The following TBX21 variants were observed in gnomAD, a reference collection of about 807,000 sequenced individuals.
The protein encoded by TBX21 is T-box transcription factor 21.
TBX21 carries 11 observed loss-of-function variants against 52.2 expected under a neutral mutation model. That is an observed-to-expected ratio of 0.21 (90% CI 0.13 to 0.35). TBX21 has a LOEUF of 0.35. Ranked by LOEUF, TBX21 falls within the 10% of genes least tolerant of loss-of-function variation. TBX21 has a pLI of 1.00. For missense variants in TBX21, 625 were observed against 755.1 expected, an observed-to-expected ratio of 0.83 and a Z score of 2.02; for synonymous variants, 300 against 316.1, an observed-to-expected ratio of 0.95 and a Z score of 0.54.
intron 1 of TBX21, among the ~76,000 whole-genome samples, chr17:47,741,862 T>C (rs1055556627): frequency 2.5e-4 from 38 of 152,150 alleles, no homozygotes; most frequent in African/African-American, 8.7e-4. Flanking sequence ...TTTGTAGTGT[T>C]TGCTGATCCC....
rs984164580 is a variant in TBX21 at position 47,733,574 on chromosome 17, G to A, written c.120G>A (p.Pro40=). The change falls in exon 1 of 6, where the codon CCG becomes CCA. Residue 40 remains proline (P), a synonymous_variant. Coordinates refer to ENST00000177694, the MANE Select transcript of TBX21 (RefSeq NM_013351.2). This position sits in a 1 kb window ranked among gnomAD's most constrained non-coding sequence, Gnocchi z 6.6. ...AGCACCGCTACTTCTACCCGGAGCC[G>A]GGCGCGCAGGACGCGGACGAGCGTC... ...DPQHRYFYPE[P]GAQDADERRG... 2 of 1,470,352 alleles carry A rather than the reference G, an allele frequency of 1.4e-6. No homozygotes were observed. The highest frequency in any genetic ancestry group is 1.8e-6 in the Non-Finnish European group (2 of 1,118,588). 91.1% of individuals were successfully genotyped at this position (1,470,352 alleles called of 1,614,324 possible). A position where few individuals can be genotyped will look rare whatever the true frequency, so the allele number is the denominator to read the frequency against.
intron 1 of TBX21, among the ~76,000 whole-genome samples, chr17:47,736,266 A>G (rs1358819267): frequency 6.6e-6 from 1 of 152,128 alleles, no homozygotes; most frequent in African/African-American, 2.4e-5. Context: ...AGTTGTCAAT[A>G]TGGGTCCAAT....
At chr17:47,738,892 C>T (rs2032237567) in intron 1 of TBX21, among the ~76,000 whole-genome samples, 1 of 152,208 alleles carries the variant, frequency 6.6e-6, no homozygotes, top group Non-Finnish European at 1.5e-5. Context: ...TGAGCCACCA[C>T]GCCGGGCCAA....
At chr17:47,739,292 C>T (rs2032241644) in intron 1 of TBX21, among the ~76,000 whole-genome samples, 1 of 152,186 alleles carries the variant, frequency 6.6e-6, no homozygotes, top group African/African-American at 2.4e-5. Flanking sequence ...TTTCCCCAGC[C>T]TCTTCCTGTG....
intron 1 of TBX21, among the ~76,000 whole-genome samples, chr17:47,737,391 A>G (rs2032218642): frequency 6.6e-6 from 1 of 152,094 alleles, no homozygotes; most frequent in African/African-American, 2.4e-5. Flanking sequence ...AACTTTGGGT[A>G]GCTGTGTTGT....
intron 3 of TBX21, among the ~76,000 whole-genome samples, chr17:47,743,935 G>T (rs2032297522): frequency 6.6e-6 from 1 of 151,034 alleles, no homozygotes; most frequent in Non-Finnish European, 1.5e-5. Context: ...TTGCCCTAAA[G>T]CCCTGTTTGT....
In TBX21 at chr17:47,744,372, C is replaced by G; in HGVS notation, c.927+19C>G. On this transcript the variant is annotated intron_variant, in intron 4 of 5. Coordinates refer to ENST00000177694, the MANE Select transcript of TBX21 (RefSeq NM_013351.2). Reference sequence around the variant, plus strand: ...TGCCGAGGTGAGGGCTGCCTGAGCCCCGGTGGGGAGGAGGGCAGAGTGGGG... The same window carrying G: ...TGCCGAGGTGAGGGCTGCCTGAGCCGCGGTGGGGAGGAGGGCAGAGTGGGG... 6.2e-7 allele frequency: 1 copy of G among 1,614,166 alleles called. No individual in the cohort carries two copies. The highest frequency in any genetic ancestry group is 8.5e-7 in the Non-Finnish European group (1 of 1,179,998).
intron 5 of TBX21, 85 bp from the exon 6 acceptor site, chr17:47,744,663 C>G: frequency 6.3e-7 from 1 of 1,598,566 alleles, no homozygotes; most frequent in Non-Finnish European, 8.5e-7. Context: ...GAAGGAGGGT[C>G]GGAGAAGGAA....
At chr17:47,743,301 T>A (rs532008050) in intron 3 of TBX21, 109 bp downstream of exon 3, 1 of 1,441,092 alleles carries the variant, frequency 6.9e-7, no homozygotes, top group African/African-American at 1.4e-5. Context: ...TTTTTCTTCC[T>A]TCCTACAGGA....
chr17:47,735,161 G>A (rs2032194779), intron 1 of TBX21, among the ~76,000 whole-genome samples: 1 of 152,034 alleles, frequency 6.6e-6, no homozygotes, highest in South Asian at 2.1e-4. Context: ...TGGGGTGGAG[G>A]GGAGAGGGAG....
chr17:47,742,541 C>G lies in TBX21; in HGVS notation c.492-69C>G, dbSNP rs890741751. 13 of 1,499,026 alleles carry G rather than the reference C, an allele frequency of 8.7e-6. No individual in the cohort carries two copies. The highest frequency in any genetic ancestry group is 1.1e-5 in the Non-Finnish European group (12 of 1,117,464). 92.9% of individuals were successfully genotyped at this position (1,499,026 alleles called of 1,614,324 possible). ...ACAGCACACCACTGATGCCTGGGCA[C>G]TGTTGCAGGGGGGACTGGCTGTCAA... is the stretch of plus-strand genomic sequence containing the variant. On this transcript the variant is annotated intron_variant, in intron 1 of 5. Coordinates refer to ENST00000177694, the MANE Select transcript of TBX21 (RefSeq NM_013351.2). The surrounding 1 kb of genome is among the most constrained non-coding windows in gnomAD (Gnocchi z 4.4).
At position 47,744,827 on chromosome 17, in the gene TBX21, C is replaced by T. The variant is rs1302205120; in HGVS notation, c.1069C>T (p.Pro357Ser). 2.5e-6 allele frequency: 4 copies of T among 1,614,096 alleles called. No individual in the cohort carries two copies. The highest frequency in any genetic ancestry group is 1.3e-5 in the African/African-American group (1 of 74,932). The change falls in exon 6 of 6, where the codon CCT becomes TCT. Residue 357 changes from proline (P) to serine (S), a missense_variant. By Grantham distance (74) the Pro-to-Ser change is moderately conservative. Around this residue, in one of 4 missense-constraint regions of TBX21, gnomAD observed 261 missense variants for 275.1 expected, o/e 0.95. Coordinates refer to ENST00000177694, the MANE Select transcript of TBX21 (RefSeq NM_013351.2). ...ATTCCTTGGGGGAGATCACTACTCTCCTCTCCTACCCAACCAGTATCCTGT... is the reference window on the plus strand; with the variant it reads ...ATTCCTTGGGGGAGATCACTACTCTTCTCTCCTACCCAACCAGTATCCTGT... ...CQFLGGDHYS[P>S]LLPNQYPVPS...
At chr17:47,743,756 T>C (rs916542456) in intron 3 of TBX21, among the ~76,000 whole-genome samples, 3 of 151,626 alleles carry the variant, frequency 2.0e-5, no homozygotes, top group African/African-American at 7.3e-5. Context: ...GGCGGGTGCC[T>C]GTAATCCCAG....
rs978487726 is a variant in TBX21, at chr17:47,733,337, C to G, written c.-118C>G. The G allele has an allele frequency of 7.6e-7, 1 of 1,308,322 alleles. No homozygotes were observed. Among genetic ancestry groups the G allele is most frequent in the Non-Finnish European group, 9.8e-7 (1 of 1,022,658 alleles). 81.0% of individuals were successfully genotyped at this position (1,308,322 alleles called of 1,614,324 possible). On this transcript the variant is annotated 5_prime_UTR_variant, in exon 1 of 6. Transcript: ENST00000177694. The surrounding 1 kb of genome is among the most constrained non-coding windows in gnomAD (Gnocchi z 6.6). ...CAGAGCCCGGGCTCCGGTGGGGTCC[C>G]CCACCCGGCCCTCGGGTCCCCCGCC...
Position 47,733,635 on chromosome 17 carries a change from G to C in TBX21, c.181G>C (p.Gly61Arg). Reference sequence around the variant, plus strand: ...CAGCCTGGGGTCTCCCTACCCGGGGGGCGCCTTGGTGCCCGCCCCGCCGAG... The same window carrying C: ...CAGCCTGGGGTCTCCCTACCCGGGGCGCGCCTTGGTGCCCGCCCCGCCGAG... ...GGSLGSPYPG[G>R]ALVPAPPSRF... Residue 61 changes from glycine to arginine, a missense_variant, in exon 1 of 6, where the codon GGC (glycine) becomes CGC (arginine). Around this residue, in one of 4 missense-constraint regions of TBX21, gnomAD observed 221 missense variants for 204.9 expected, o/e 1.08. Coordinates refer to ENST00000177694, the MANE Select transcript of TBX21 (RefSeq NM_013351.2). The surrounding 1 kb of genome is among the most constrained non-coding windows in gnomAD (Gnocchi z 6.6). 1.4e-6 allele frequency: 2 copies of C among 1,449,846 alleles called. No homozygotes were observed. Among genetic ancestry groups the C allele is most frequent in the East Asian group, 6.1e-5 (2 of 32,922 alleles). 89.8% of individuals were successfully genotyped at this position (1,449,846 alleles called of 1,614,324 possible). A position where few individuals can be genotyped will look rare whatever the true frequency, so the allele number is the denominator to read the frequency against.
intron 1 of TBX21, among the ~76,000 whole-genome samples, chr17:47,736,148 TTTGTCCCCC>T (rs2032204802): frequency 6.6e-6 from 1 of 152,232 alleles, no homozygotes; most frequent in Non-Finnish European, 1.5e-5. Context: ...GACAAGTTTT[TTTGTCCCCC>T]TTTTAGATAC....
intron 1 of TBX21, among the ~76,000 whole-genome samples, chr17:47,734,937 A>T (rs921116383): frequency 6.6e-6 from 1 of 151,992 alleles, no homozygotes; most frequent in Non-Finnish European, 1.5e-5. Flanking sequence ...CTGCGCAAGG[A>T]AAGAAACAGA....
chr17:47,733,641 T>G lies in TBX21; in HGVS notation c.187T>G (p.Leu63Val). 6.9e-7 allele frequency: 1 copy of G among 1,448,870 alleles called. No homozygotes were observed. Among genetic ancestry groups the G allele is most frequent in the South Asian group, 1.4e-5 (1 of 73,080 alleles). 89.8% of individuals were successfully genotyped at this position (1,448,870 alleles called of 1,614,324 possible). A position where few individuals can be genotyped will look rare whatever the true frequency, so the allele number is the denominator to read the frequency against. Residue 63 changes from leucine (L) to valine (V), a missense_variant, in exon 1 of 6, where the codon TTG (leucine) becomes GTG (valine). By Grantham distance (32) the Leu-to-Val change is conservative (BLOSUM62 1). Coordinates refer to ENST00000177694, the MANE Select transcript of TBX21 (RefSeq NM_013351.2). The surrounding 1 kb of genome is among the most constrained non-coding windows in gnomAD (Gnocchi z 6.6). ...GGGGTCTCCCTACCCGGGGGGCGCC[T>G]TGGTGCCCGCCCCGCCGAGCCGCTT... ...SLGSPYPGGA[L>V]VPAPPSRFLG...
intron 1 of TBX21, among the ~76,000 whole-genome samples, chr17:47,734,319 G>GCCTGGGCCT (rs1290464971): frequency 6.6e-6 from 1 of 152,154 alleles, no homozygotes; most frequent in East Asian, 1.9e-4. Context: ...CGGACAGGAC[G>GCCTGGGCCT]CCTGGGCCTC....
Sources: allele counts gnomAD v4.1 joint callset (sites outside exome capture counted in the v4.1 genomes callset), GRCh38; gene constraint gnomAD v4.1.1; regional missense constraint gnomAD v4.1.1; non-coding constraint Gnocchi (gnomAD v3.1); transcripts MANE v1.5; gene names NCBI Gene and HGNC (gene_info 2026-07-23, HGNC 2026-07-21).